RNF220: variants seen among roughly 807,000 people sequenced by gnomAD.
RNF220 encodes the protein E3 ubiquitin-protein ligase RNF220.
Under a neutral mutation model 67.1 loss-of-function variants are expected in RNF220, and 7 were observed. The observed-to-expected ratio is 0.10, with a 90% CI of 0.06 to 0.20. RNF220 has a LOEUF of 0.20. Ranked by LOEUF, RNF220 falls within the 10% of genes least tolerant of loss-of-function variation. The pLI, the probability that RNF220 is intolerant of heterozygous loss-of-function variation, is 1.00. For synonymous variants in RNF220, 270 were observed against 283.2 expected (o/e 0.95, Z 0.47); for missense variants, 565 against 740.3 (o/e 0.76, Z 2.75).
intron 2 of RNF220, among the ~76,000 whole-genome samples, chr1:44,431,680 C>T (rs1161577594): frequency 6.6e-6 from 1 of 152,110 alleles, no homozygotes; most frequent in Non-Finnish European, 1.5e-5. Context: ...TAGGAGTGGG[C>T]AAGAAGACTA....
At chr1:44,449,618 T>C (rs996867636) in intron 2 of RNF220, among the ~76,000 whole-genome samples, 1 of 152,196 alleles carries the variant, frequency 6.6e-6, no homozygotes. Context: ...TTTGTCATGT[T>C]GTCCAGGCTG....
chr1:44,558,887 T>G (rs1384088152), intron 2 of RNF220, among the ~76,000 whole-genome samples: 1 of 152,206 alleles, frequency 6.6e-6, no homozygotes, highest in African/African-American at 2.4e-5. Context: ...GACCTTAGCT[T>G]AAAGTTCGTT....
intron 2 of RNF220, among the ~76,000 whole-genome samples, chr1:44,596,560 C>CAA (rs112026468): frequency 1.1e-4 from 15 of 132,280 alleles, no homozygotes; most frequent in African/African-American, 3.6e-4. Context: ...ATTCTGTCTC[C>CAA]AAAAAAAAAA....
chr1:44,628,556 G>C (rs530566284), intron 5 of RNF220, among the ~76,000 whole-genome samples: 1 of 152,274 alleles, frequency 6.6e-6, no homozygotes, highest in South Asian at 2.1e-4. Flanking sequence ...AATCAAACTA[G>C]GTTGTGTCCT....
intron 2 of RNF220, among the ~76,000 whole-genome samples, chr1:44,544,199 A>G (rs1261576662): frequency 1.3e-5 from 2 of 152,332 alleles, no homozygotes; most frequent in Admixed American, 6.5e-5. Context: ...AGAACAGAGC[A>G]GGAGCAGACA....
rs1356048268 is a variant in RNF220 at position 44,650,284 on chromosome 1, T to C, written c.1629+327T>C. ...CTGTAGGTAAACAGGACCAGGGCCT[T>C]GGCCCCTCCCCCTCCCATTACTAAG... On this transcript the variant is annotated intron_variant, in intron 14 of 14. Coordinates refer to ENST00000361799, the MANE Select transcript of RNF220 (RefSeq NM_018150.4). The surrounding 1 kb of genome is among the most constrained non-coding windows in gnomAD (Gnocchi z 4.3). The C allele has an allele frequency of 5.9e-6, 3 of 507,250 alleles. No individual in the cohort carries two copies. Among genetic ancestry groups the C allele is most frequent in the South Asian group, 4.9e-5 (2 of 41,224 alleles). 31.4% of individuals were successfully genotyped at this position (507,250 alleles called of 1,614,324 possible). A position where few individuals can be genotyped will look rare whatever the true frequency, so the allele number is the denominator to read the frequency against.
chr1:44,626,438 C>T (rs1643940665), intron 5 of RNF220, 40 bp downstream of exon 5: 1 of 1,522,672 alleles, frequency 6.6e-7, no homozygotes, highest in Non-Finnish European at 9.1e-7. Context: ...AGCAAGCTCA[C>T]CTGGGGGAGG....
intron 2 of RNF220, among the ~76,000 whole-genome samples, chr1:44,609,631 G>A (rs945563137): frequency 6.6e-6 from 1 of 152,242 alleles, no homozygotes; most frequent in Non-Finnish European, 1.5e-5. Flanking sequence ...AACAGAGGGG[G>A]GCAGCAGAGG....
intron 8 of RNF220, chr1:44,644,330 T>C (rs936696221): frequency 2.4e-5 from 5 of 210,024 alleles, no homozygotes; most frequent in East Asian, 2.3e-4. Context: ...CCCCACTCTT[T>C]TCCTGTGAAA....
At chr1:44,608,791 G>A (rs1667459558) in intron 2 of RNF220, among the ~76,000 whole-genome samples, 2 of 152,204 alleles carry the variant, frequency 1.3e-5, no homozygotes, top group Non-Finnish European at 2.9e-5. Context: ...GAGGAGCTAG[G>A]GCCAGGGCAC....
At chr1:44,635,503 C>G in intron 6 of RNF220, 42 bp from the exon 7 acceptor site, 2 of 1,604,698 alleles carry the variant, frequency 1.2e-6, no homozygotes, top group African/African-American at 2.7e-5. Context: ...CTGCAGTGAC[C>G]GTCTGCTTGT....
Position 44,650,372 on chromosome 1 carries a change from A to G in RNF220, c.1630-332A>G, listed in dbSNP as rs1644759297. 7 of 425,448 alleles carry G rather than the reference A, an allele frequency of 1.6e-5. No homozygotes were observed. Among genetic ancestry groups the G allele is most frequent in the Middle Eastern group, 1.3e-3 (2 of 1,532 alleles). 26.4% of individuals were successfully genotyped at this position (425,448 alleles called of 1,614,324 possible). On this transcript the variant is annotated intron_variant, in intron 14 of 14. Transcript: ENST00000361799. This position sits in a 1 kb window ranked among gnomAD's most constrained non-coding sequence, Gnocchi z 4.3. ...AGCCATTAAAATGTCGCCCGGAGAC[A>G]GTAATAAAAGGCTCGGACGTGGGCT...
chr1:44,462,203 G>A (rs759368014), intron 2 of RNF220, among the ~76,000 whole-genome samples: 9 of 151,914 alleles, frequency 5.9e-5, no homozygotes, highest in Non-Finnish European at 1.0e-4. Flanking sequence ...AAAGTGCTGG[G>A]ATTACAGGTG....
At position 44,423,903 on chromosome 1, in the gene RNF220, G is replaced by A. The variant is rs975412470; in HGVS notation, c.625+11181G>A. The A allele has an allele frequency of 1.8e-4, 177 of 985,258 alleles. No homozygotes were observed. The African/African-American group carries it at 1.8e-3, about 10-fold the overall frequency. The allele number at this position is 985,258 out of a possible 1,614,324, so 61.0% of individuals were successfully genotyped here. A position where few individuals can be genotyped will look rare whatever the true frequency, so the allele number is the denominator to read the frequency against. Reference sequence around the variant, plus strand: ...GGAAAAAAAGAAAGCGAAGCAAACCGTTGTTCTAGCCTGGCACACGTCGGC... The same window carrying A: ...GGAAAAAAAGAAAGCGAAGCAAACCATTGTTCTAGCCTGGCACACGTCGGC... On this transcript the variant is annotated intron_variant, in intron 2 of 14. Coordinates refer to ENST00000361799, the MANE Select transcript of RNF220 (RefSeq NM_018150.4).
rs1326896845 is a variant in RNF220 at position 44,445,372 on chromosome 1, T to G, written c.625+32650T>G. ...TACCAGAGTTCTAAGAGAAACCCTG[T>G]TGTTGTAATTCCCGTCCCTAAAACC... On this transcript the variant is annotated intron_variant, in intron 2 of 14. Coordinates refer to ENST00000361799, the MANE Select transcript of RNF220 (RefSeq NM_018150.4). 1.3e-5 allele frequency among the ~76,000 whole-genome samples: 2 copies of G among 152,236 alleles called. 1 individual carries two copies. The highest frequency in any genetic ancestry group is 2.9e-5 in the Non-Finnish European group (2 of 68,046).
chr1:44,633,563 A>C (rs549747506), intron 6 of RNF220, among the ~76,000 whole-genome samples: 2 of 152,256 alleles, frequency 1.3e-5, no homozygotes, highest in African/African-American at 4.8e-5. Flanking sequence ...GATGAAGCCC[A>C]GTCCATTGGG....
intron 6 of RNF220, 146 bp from the exon 7 acceptor site, chr1:44,635,399 G>A (rs1030508168): frequency 8.0e-7 from 1 of 1,246,368 alleles, no homozygotes; most frequent in African/African-American, 1.5e-5. Context: ...GGAGCAGGAG[G>A]TATTTCAAGA....
intron 1 of RNF220, among the ~76,000 whole-genome samples, chr1:44,409,989 A>C (rs1647806812): frequency 1.3e-5 from 2 of 152,194 alleles, no homozygotes; most frequent in South Asian, 2.1e-4. Context: ...TTGTTGATTT[A>C]TTTTCAGTGT....
At chr1:44,558,070 A>G (rs1247083607) in intron 2 of RNF220, among the ~76,000 whole-genome samples, 1 of 152,244 alleles carries the variant, frequency 6.6e-6, no homozygotes, top group Non-Finnish European at 1.5e-5. Flanking sequence ...CAACAGCCTC[A>G]GGGAACTGTC....
Sources: gnomAD v4.1 joint callset for allele counts (sites outside exome capture counted in the v4.1 genomes callset) on GRCh38, gnomAD v4.1.1 for gene constraint, Gnocchi (gnomAD v3.1) non-coding constraint, MANE v1.5 for transcripts, NCBI Gene and HGNC (gene_info 2026-07-23, HGNC 2026-07-21) for gene names.